Variants in SYTL3 observed in about 807,000 individuals in gnomAD.
The protein encoded by SYTL3 is synaptotagmin like 3, also known as synaptotagmin-like protein 3.
SYTL3 carries 88 observed loss-of-function variants against 82.1 expected under a neutral mutation model. The observed-to-expected ratio is 1.07, with a 90% CI of 0.90 to 1.28. The LOEUF (loss-of-function observed/expected upper bound fraction) is 1.28, where lower values mean the gene tolerates loss of function less well. Ranked by LOEUF, SYTL3 falls within the 50% of genes most tolerant of loss-of-function variation. SYTL3 has a pLI of 0.00. For synonymous variants in SYTL3, 311 were observed against 289.4 expected (o/e 1.07, Z -0.76); for missense variants, 831 against 757.6 (o/e 1.10, Z -1.14).
At chr6:158,701,856 C>T (rs1248384586) in intron 6 of SYTL3, among the ~76,000 whole-genome samples, 1 of 151,954 alleles carries the variant, frequency 6.6e-6, no homozygotes, top group Non-Finnish European at 1.5e-5. Context: ...AACGCTGCCT[C>T]CCTCTTCCTG....
At chr6:158,749,137 A>G (rs1472907473) in intron 12 of SYTL3, among the ~76,000 whole-genome samples, 2 of 152,034 alleles carry the variant, frequency 1.3e-5, no homozygotes, top group Non-Finnish European at 2.9e-5. Flanking sequence ...AGGCAGGAGA[A>G]TTGTTTGAAC....
intron 11 of SYTL3, among the ~76,000 whole-genome samples, chr6:158,729,915 A>G (rs1474369683): frequency 6.6e-6 from 1 of 151,912 alleles, no homozygotes; most frequent in African/African-American, 2.4e-5. Context: ...ATAATAATAA[A>G]TGTTAAAAAT....
intron 6 of SYTL3, among the ~76,000 whole-genome samples, chr6:158,693,065 A>G (rs368470932): frequency 2.2e-4 from 33 of 152,224 alleles, no homozygotes; most frequent in African/African-American, 6.3e-4. Flanking sequence ...CATCCCTGCA[A>G]TTCATCCAAT....
chr6:158,718,239 G>T, intron 10 of SYTL3, 28 bp downstream of exon 10: 2 of 1,468,552 alleles, frequency 1.4e-6, no homozygotes, highest in Non-Finnish European at 1.8e-6. Context: ...AGGCCTCCAC[G>T]CTGATCACCT....
In SYTL3 at chr6:158,663,448, G is replaced by A. The variant is rs1322249759; in HGVS notation, c.110+70G>A. 22 of 1,573,432 alleles carry A rather than the reference G, an allele frequency of 1.4e-5. No individual in the cohort carries two copies. In the East Asian group the frequency reaches 4.7e-4, roughly 33 times the overall value. On this transcript the variant is annotated intron_variant, in intron 4 of 17. Transcript: ENST00000611299. ...TCTGCTTGGGGCCTGCCACTCCGTCGCCAATGCTGTTTGCTTACAAATCAC... is the reference window on the plus strand; with the variant it reads ...TCTGCTTGGGGCCTGCCACTCCGTCACCAATGCTGTTTGCTTACAAATCAC...
At chr6:158,743,613 T>TC in intron 11 of SYTL3, among the ~76,000 whole-genome samples, 1 of 146,326 alleles carries the variant, frequency 6.8e-6, no homozygotes, top group Non-Finnish European at 1.5e-5. Context: ...TTTTTTTTTT[T>TC]TTTTTTTTTT....
chr6:158,714,314 T>C (rs190072149), intron 9 of SYTL3, among the ~76,000 whole-genome samples: 52 of 150,852 alleles, frequency 3.4e-4, no homozygotes, highest in South Asian at 1.3e-3. Flanking sequence ...ATCACGCCAC[T>C]GGACTCCAGC....
At position 158,745,634 on chromosome 6, in the gene SYTL3, A is replaced by T; in HGVS notation, c.1010A>T (p.Glu337Val). Residue 337 changes from glutamate (E) to valine (V), a missense_variant, in exon 12 of 18, where the codon GAA (glutamate) becomes GTA (valine). Glu to Val is a moderately radical substitution (Grantham distance 121). Coordinates refer to ENST00000611299, the MANE Select transcript of SYTL3 (RefSeq NM_001242394.2). ...IKACKNLAYGEEKKKKCNPYV... is the reference protein window; with the variant it reads ...IKACKNLAYGVEKKKKCNPYV... ...GCCTGTAAGAACCTTGCCTATGGAG[A>T]AGAAAAGAAGAAAAAGTGCAATCCG... 1 of 1,600,892 alleles carries T rather than the reference A, an allele frequency of 6.2e-7. No individual in the cohort carries two copies. Among genetic ancestry groups the T allele is most frequent in the East Asian group, 2.2e-5 (1 of 44,742 alleles).
chr6:158,693,850 C>CTTTTTTTTTT lies in SYTL3; in HGVS notation c.394+10865_394+10866insTTTTTTTTTT, dbSNP rs1357595960. 4.6e-4 allele frequency among the ~76,000 whole-genome samples: 27 copies of CTTTTTTTTTT among 58,436 alleles called. 1 individual carries two copies. Among genetic ancestry groups the CTTTTTTTTTT allele is most frequent in the Middle Eastern group, 7.5e-3 (1 of 134 alleles). The allele number at this position is 58,436 out of a possible 152,430, so 38.3% of individuals were successfully genotyped here. A position where few individuals can be genotyped will look rare whatever the true frequency, so the allele number is the denominator to read the frequency against. ...GCCACTGCATCCAGCCTTTCTTTTT[C>CTTTTTTTTTT]TTTTCTTTTTTTTTTTTTTTTTTGT... is the stretch of plus-strand genomic sequence containing the variant. On this transcript the variant is annotated intron_variant, in intron 6 of 17. Transcript: ENST00000611299.
chr6:158,665,731 G>A (rs1302917883), intron 5 of SYTL3, 118 bp downstream of exon 5: 8 of 706,984 alleles, frequency 1.1e-5, no homozygotes, highest in East Asian at 8.4e-5. Context: ...AATGTGTACC[G>A]AGTGCCTGAT....
At chr6:158,674,085 A>AAATAAT (rs71298903) in intron 5 of SYTL3, among the ~76,000 whole-genome samples, 3,527 of 125,978 alleles carry the variant, frequency 0.028, 65 homozygotes, top group Middle Eastern at 0.036. Context: ...CTGTGTCTCA[A>AAATAAT]AATAATAATA....
At chr6:158,714,787 G>A (rs1432443553) in intron 9 of SYTL3, among the ~76,000 whole-genome samples, 4 of 152,064 alleles carry the variant, frequency 2.6e-5, no homozygotes, top group East Asian at 1.9e-4. Flanking sequence ...AGTTGCATGC[G>A]GATGGTCTCA....
At chr6:158,710,196 A>G (rs149814618) in intron 8 of SYTL3, among the ~76,000 whole-genome samples, 26 of 152,364 alleles carry the variant, frequency 1.7e-4, no homozygotes, top group African/African-American at 5.5e-4. Flanking sequence ...AACCATATTC[A>G]TAAAGAAATA....
rs758149291 is a variant in SYTL3 at position 158,764,483 on chromosome 6, CCTCT to C, written c.1724-9_1724-6del. 1.3e-5 allele frequency: 21 copies of C among 1,603,738 alleles called. No homozygotes were observed. Among genetic ancestry groups the C allele is most frequent in the Admixed American group, 1.2e-4 (7 of 59,976 alleles). On this transcript the variant is annotated splice_region_variant and splice_polypyrimidine_tract_variant and intron_variant, in intron 17 of 17. Transcript: ENST00000611299. ...TCCCCGACCATGGCTAAATTGTCTT[CCTCT>C]CTTACAGAGGGAGACACAGCTGTTG...
chr6:158,731,914 C>A (rs1428135909), intron 11 of SYTL3, among the ~76,000 whole-genome samples: 1 of 152,132 alleles, frequency 6.6e-6, no homozygotes, highest in Non-Finnish European at 1.5e-5. Flanking sequence ...ATCTAACTCA[C>A]CTCAAGTTAT....
chr6:158,748,404 CCG>C (rs1787940780), intron 12 of SYTL3, among the ~76,000 whole-genome samples: 1 of 152,182 alleles, frequency 6.6e-6, no homozygotes, highest in African/African-American at 2.4e-5. Context: ...TCTTCCTGTA[CCG>C]TCTACCTCAG....
At position 158,764,658 on chromosome 6, in the gene SYTL3, C is replaced by A; in HGVS notation, c.*54C>A. The A allele has an allele frequency of 1.5e-6, 2 of 1,328,732 alleles. No homozygotes were observed. Among genetic ancestry groups the A allele is most frequent in the Non-Finnish European group, 2.2e-6 (2 of 921,274 alleles). The allele number at this position is 1,328,732 out of a possible 1,614,324, so 82.3% of individuals were successfully genotyped here. ...GCAGGCGTGAGGCACTGTGCGTCTG[C>A]AGAGGGGCTACGAACCAGGTGCAGG... On this transcript the variant is annotated 3_prime_UTR_variant, in exon 18 of 18. Coordinates refer to ENST00000611299, the MANE Select transcript of SYTL3 (RefSeq NM_001242394.2).
intron 9 of SYTL3, among the ~76,000 whole-genome samples, chr6:158,716,131 A>G (rs1262904038): frequency 1.3e-5 from 2 of 152,198 alleles, no homozygotes; most frequent in African/African-American, 2.4e-5. Context: ...AGCTCTGTCT[A>G]TTATCAGTAC....
chr6:158,757,421 T>C, intron 14 of SYTL3, 40 bp downstream of exon 14: 1 of 1,597,308 alleles, frequency 6.3e-7, no homozygotes, highest in Non-Finnish European at 8.6e-7. Context: ...CCATCCCCAC[T>C]GTGATAGATA....
Sources: allele counts gnomAD v4.1 joint callset (sites outside exome capture counted in the v4.1 genomes callset), GRCh38; gene constraint gnomAD v4.1.1; transcripts MANE v1.5; gene names NCBI Gene and HGNC (gene_info 2026-07-23, HGNC 2026-07-21).